HIVEP2: variants seen among roughly 807,000 people sequenced by gnomAD.
HIVEP2 encodes HIVEP zinc finger 2.
In HIVEP2, 14 loss-of-function variants were observed where a neutral mutation model predicts 180.7. That is an observed-to-expected ratio of 0.08 (90% CI 0.05 to 0.12). HIVEP2 has a LOEUF of 0.12. HIVEP2 is among the 10% of genes least tolerant of loss of function. HIVEP2 has a pLI of 1.00. For synonymous variants in HIVEP2, 1,184 were observed against 1,136.4 expected (o/e 1.04, Z -0.84); for missense variants, 2,579 against 3,008.5 (o/e 0.86, Z 3.34).
intron 2 of HIVEP2, among the ~76,000 whole-genome samples, chr6:142,824,168 CA>C (rs1777117088): frequency 6.6e-6 from 1 of 151,814 alleles, no homozygotes; most frequent in African/African-American, 2.4e-5. Flanking sequence ...TTTTGGAGTT[CA>C]AAAACTTAAA....
intron 1 of HIVEP2, among the ~76,000 whole-genome samples, chr6:142,941,901 C>CA (rs1228343991): frequency 6.6e-6 from 1 of 152,174 alleles, no homozygotes; most frequent in Non-Finnish European, 1.5e-5. Flanking sequence ...TATAGACCAA[C>CA]AGAGAGTTCC....
chr6:142,923,285 C>T (rs1777726389), intron 1 of HIVEP2, among the ~76,000 whole-genome samples: 1 of 151,380 alleles, frequency 6.6e-6, no homozygotes, highest in African/African-American at 2.4e-5. Flanking sequence ...GAGCTGAGAT[C>T]GTGCCACTGT....
chr6:142,893,645 G>A (rs181796258), intron 1 of HIVEP2, among the ~76,000 whole-genome samples: 49 of 152,248 alleles, frequency 3.2e-4, no homozygotes, highest in African/African-American at 1.1e-3. Flanking sequence ...TCTCAATCAA[G>A]AAATAGCCAG....
chr6:142,804,243 G>A (rs1776489716), intron 2 of HIVEP2, among the ~76,000 whole-genome samples: 2 of 152,158 alleles, frequency 1.3e-5, no homozygotes, highest in South Asian at 4.1e-4. Flanking sequence ...TTGTGGCCTG[G>A]AGAACTCCAC....
At chr6:142,809,934 A>G (rs1776648763) in intron 2 of HIVEP2, among the ~76,000 whole-genome samples, 1 of 152,130 alleles carries the variant, frequency 6.6e-6, no homozygotes, top group Non-Finnish European at 1.5e-5. Flanking sequence ...TACAATCATC[A>G]TTGTTAACAA....
chr6:142,758,589 A>T (rs867369558), intron 9 of HIVEP2, among the ~76,000 whole-genome samples: 1 of 152,236 alleles, frequency 6.6e-6, no homozygotes, highest in Non-Finnish European at 1.5e-5. Context: ...TTCCAAAGGT[A>T]TCATGCCTCT....
intron 1 of HIVEP2, among the ~76,000 whole-genome samples, chr6:142,901,628 G>A (rs1777133894): frequency 6.6e-6 from 1 of 152,136 alleles, no homozygotes; most frequent in African/African-American, 2.4e-5. Context: ...AAAATCAAAT[G>A]CAAAGGAGTT....
chr6:142,793,673 T>TTCTCTCTCTCTCTCTCTC lies in HIVEP2; in HGVS notation c.-527-10076_-527-10059dup, dbSNP rs71546219. ...CTTTCTTTCTTTTTTCTTTCTTTCT[T>TTCTCTCTCTCTCTCTCTC]TCTCTCTCTCTCTCTCTCTCTCTCT... On this transcript the variant is annotated intron_variant, in intron 2 of 9. Coordinates refer to ENST00000367603, the MANE Select transcript of HIVEP2 (RefSeq NM_006734.4). Among the ~76,000 whole-genome samples, 51 of 107,494 alleles carry TTCTCTCTCTCTCTCTCTC rather than the reference T, an allele frequency of 4.7e-4. 1 individual carries two copies. Among genetic ancestry groups the TTCTCTCTCTCTCTCTCTC allele is most frequent in the African/African-American group, 1.5e-3 (41 of 27,094 alleles). 70.5% of individuals were successfully genotyped at this position (107,494 alleles called of 152,430 possible). A position where few individuals can be genotyped will look rare whatever the true frequency, so the allele number is the denominator to read the frequency against.
At chr6:142,892,956 T>C (rs1016688715) in intron 1 of HIVEP2, among the ~76,000 whole-genome samples, 3 of 152,160 alleles carry the variant, frequency 2.0e-5, no homozygotes, top group Non-Finnish European at 4.4e-5. Flanking sequence ...CTTCGTAACA[T>C]AGAGCAAAAG....
At chr6:142,823,981 G>GA (rs1190764860) in intron 2 of HIVEP2, among the ~76,000 whole-genome samples, 2 of 151,990 alleles carry the variant, frequency 1.3e-5, no homozygotes, top group Non-Finnish European at 2.9e-5. Context: ...TATTTTGTAA[G>GA]AAAAATCCTT....
rs375382148 is a variant in HIVEP2 at position 142,800,422 on chromosome 6, C to T, written c.-527-16807G>A. On this transcript the variant is annotated intron_variant, in intron 2 of 9. Transcript: ENST00000367603. ...TGCTTCTCTATGAAACAATGGGTTCCTTTCCAAGCTAATCATCTTAAGTTT... is the reference window on the plus strand; with the variant it reads ...TGCTTCTCTATGAAACAATGGGTTCTTTTCCAAGCTAATCATCTTAAGTTT... 3.3e-5 allele frequency among the ~76,000 whole-genome samples: 5 copies of T among 152,230 alleles called. No homozygotes were observed. In the South Asian group the frequency reaches 1.0e-3, roughly 32 times the overall value.
rs549724837 is a variant in HIVEP2, at chr6:142,867,152, A to T, written c.-640-30105T>A. On this transcript the variant is annotated intron_variant, in intron 1 of 9. Transcript: ENST00000367603. ...AATCCAAATACACTTATTAGGAAGCATCACTGTCTATATCAGAAAACAAGG... is the reference window on the plus strand; with the variant it reads ...AATCCAAATACACTTATTAGGAAGCTTCACTGTCTATATCAGAAAACAAGG... Among the ~76,000 whole-genome samples the T allele has an allele frequency of 2.1e-4, 32 of 152,274 alleles. No individual in the cohort carries two copies. The South Asian group carries it at 6.4e-3, about 31-fold the overall frequency.
chr6:142,878,342 C>T (rs1253903097), intron 1 of HIVEP2, among the ~76,000 whole-genome samples: 2 of 152,178 alleles, frequency 1.3e-5, no homozygotes, highest in African/African-American at 4.8e-5. Context: ...CTTCTGTATA[C>T]ATAATTTTCC....
rs536454486 is a variant in HIVEP2 at position 142,920,859 on chromosome 6, T to C, written c.-641+24240A>G. The stretch of plus-strand genomic sequence containing the variant: ...TTAGCTGGGAATCGGAGCACATGCC[T>C]GTAGTCCCAGCTACTTGGGAGACTG... On this transcript the variant is annotated intron_variant, in intron 1 of 9. Transcript: ENST00000367603. Among the ~76,000 whole-genome samples the C allele has an allele frequency of 1.1e-4, 16 of 152,256 alleles. No individual in the cohort carries two copies. In the East Asian group the frequency reaches 3.1e-3, roughly 29 times the overall value.
At chr6:142,927,479 A>G (rs952080802) in intron 1 of HIVEP2, among the ~76,000 whole-genome samples, 1 of 152,198 alleles carries the variant, frequency 6.6e-6, no homozygotes, top group Admixed American at 6.5e-5. Flanking sequence ...TCTTCACTGC[A>G]GAGCTCCAGT....
At chr6:142,894,039 G>A (rs1776925518) in intron 1 of HIVEP2, among the ~76,000 whole-genome samples, 1 of 152,158 alleles carries the variant, frequency 6.6e-6, no homozygotes, top group South Asian at 2.1e-4. Flanking sequence ...AACTGAGCAA[G>A]GTAGCTATGT....
chr6:142,816,230 G>C (rs1269949443), intron 2 of HIVEP2, among the ~76,000 whole-genome samples: 1 of 152,228 alleles, frequency 6.6e-6, no homozygotes, highest in Admixed American at 6.5e-5. Flanking sequence ...AGGCTTTCCA[G>C]GAGGTGGAAA....
intron 7 of HIVEP2, among the ~76,000 whole-genome samples, chr6:142,764,118 T>G (rs919863720): frequency 6.6e-6 from 1 of 152,184 alleles, no homozygotes; most frequent in Non-Finnish European, 1.5e-5. Context: ...ACCAGACTTA[T>G]GAACATTTTC....
intron 2 of HIVEP2, among the ~76,000 whole-genome samples, chr6:142,823,492 A>T (rs565820747): frequency 1.3e-5 from 2 of 152,314 alleles, no homozygotes; most frequent in South Asian, 4.1e-4. Context: ...AGCAGAGAAG[A>T]TTCAAGCAGC....
Sources: allele counts gnomAD v4.1 joint callset (sites outside exome capture counted in the v4.1 genomes callset), GRCh38; gene constraint gnomAD v4.1.1; transcripts MANE v1.5; gene names NCBI Gene and HGNC (gene_info 2026-07-23, HGNC 2026-07-21).